DGKB: variants seen among roughly 807,000 people sequenced by gnomAD.
DGKB encodes diacylglycerol kinase beta, also known as 90 kDa diacylglycerol kinase.
A neutral mutation model predicts 114.3 loss-of-function variants in DGKB; 67 were observed. The ratio of observed to expected loss-of-function variants is 0.59; its 90% CI spans 0.48 to 0.72. DGKB has a LOEUF of 0.72. Ranked by LOEUF, DGKB falls within the 30% of genes least tolerant of loss-of-function variation. The pLI is 0.00. For missense variants in DGKB, 907 were observed against 975.2 expected, an observed-to-expected ratio of 0.93 and a Z score of 0.93; for synonymous variants, 398 against 323.1, an observed-to-expected ratio of 1.23 and a Z score of -2.49.
chr7:14,302,104 T>A (rs1803665774), intron 23 of DGKB, among the ~76,000 whole-genome samples: 1 of 152,100 alleles, frequency 6.6e-6, no homozygotes, highest in African/African-American at 2.4e-5. Flanking sequence ...TAGCATGGAA[T>A]AAATGTACCT....
chr7:14,315,482 C>T (rs1014898210), intron 23 of DGKB, among the ~76,000 whole-genome samples: 3 of 151,580 alleles, frequency 2.0e-5, no homozygotes, highest in Non-Finnish European at 4.4e-5. Flanking sequence ...GGGTTGCAAT[C>T]CTAGTCTCTG....
chr7:14,302,451 T>C (rs574194037), intron 23 of DGKB, among the ~76,000 whole-genome samples: 4 of 152,232 alleles, frequency 2.6e-5, no homozygotes, highest in Admixed American at 1.3e-4. Flanking sequence ...TTACTCTGTA[T>C]TGAAAATATT....
chr7:14,257,026 G>C (rs754682741), intron 23 of DGKB, among the ~76,000 whole-genome samples: 2 of 152,050 alleles, frequency 1.3e-5, no homozygotes, highest in Non-Finnish European at 2.9e-5. Context: ...CACCAGGAAT[G>C]GTGGCATACT....
intron 23 of DGKB, 42 bp from the exon 24 acceptor site, chr7:14,178,193 A>G (rs772056190): frequency 1.3e-6 from 2 of 1,597,626 alleles, no homozygotes; most frequent in African/African-American, 1.4e-5. Flanking sequence ...ATGTGTATAC[A>G]TATGTCCACA....
At position 14,673,000 on chromosome 7, in the gene DGKB, T is replaced by C; in HGVS notation, c.1063A>G (p.Lys355Glu). ...AAAGGTCCACAGTCACATTCAGGTT[T>C]TAGATGAGAAGCACATTTATTATGC... ...TLHNKCASHL[K>E]PECDCGPLKD... Residue 355 changes from lysine to glutamate, a missense_variant, in exon 13 of 26, where the codon AAA becomes GAA. Lys to Glu is a moderately conservative substitution (Grantham distance 56, BLOSUM62 1). Around this residue, in one of 3 missense-constraint regions of DGKB, gnomAD observed 814 missense variants for 856.6 expected, o/e 0.95. Coordinates refer to ENST00000402815, the MANE Select transcript of DGKB (RefSeq NM_001350709.2). 1 of 1,575,800 alleles carries C rather than the reference T, an allele frequency of 6.3e-7. No homozygotes were observed. Among genetic ancestry groups the C allele is most frequent in the East Asian group, 2.3e-5 (1 of 43,450 alleles).
chr7:14,551,021 G>A (rs7796936), intron 20 of DGKB, among the ~76,000 whole-genome samples: 19,575 of 151,986 alleles, frequency 0.13, 1,812 homozygotes, highest in East Asian at 0.33. Flanking sequence ...AAAGATATAG[G>A]AGAATGTGTT....
At chr7:14,602,480 G>T (rs1292050381) in intron 17 of DGKB, among the ~76,000 whole-genome samples, 2 of 152,112 alleles carry the variant, frequency 1.3e-5, no homozygotes, top group African/African-American at 4.8e-5. Context: ...TTGGGAGGTG[G>T]GGTACTGAGG....
At chr7:14,222,398 T>C (rs1010088194) in intron 23 of DGKB, among the ~76,000 whole-genome samples, 1 of 151,324 alleles carries the variant, frequency 6.6e-6, no homozygotes, top group Non-Finnish European at 1.5e-5. Context: ...CATTGATTCA[T>C]TGGTTATTTT....
At chr7:14,801,925 T>TACAC (rs142456381) in intron 2 of DGKB, among the ~76,000 whole-genome samples, 17,855 of 147,954 alleles carry the variant, frequency 0.12, 1,222 homozygotes, top group African/African-American at 0.19. Context: ...TATATACATA[T>TACAC]ACACACACAC....
intron 13 of DGKB, among the ~76,000 whole-genome samples, chr7:14,632,189 G>A (rs921203235): frequency 6.6e-6 from 1 of 151,854 alleles, no homozygotes; most frequent in African/African-American, 2.4e-5. Context: ...AGCAACAGAA[G>A]GCATTTTGGG....
intron 2 of DGKB, among the ~76,000 whole-genome samples, chr7:14,817,554 G>A (rs1562614872): frequency 6.6e-6 from 1 of 152,086 alleles, no homozygotes; most frequent in Non-Finnish European, 1.5e-5. Flanking sequence ...ATTGGGTTTT[G>A]ATTTGTAAGG....
intron 1 of DGKB, among the ~76,000 whole-genome samples, chr7:14,849,646 T>C (rs1052598029): frequency 2.0e-5 from 3 of 152,212 alleles, no homozygotes; most frequent in African/African-American, 7.2e-5. Flanking sequence ...TCATTTCCTT[T>C]GATAACAGGA....
rs1827058663 is a variant in DGKB, at chr7:14,709,945, A to G, written c.467-8215T>C. Among the ~76,000 whole-genome samples the G allele has an allele frequency of 7.3e-5, 11 of 151,056 alleles. 1 individual carries two copies. In the South Asian group the frequency reaches 2.3e-3, roughly 32 times the overall value. On this transcript the variant is annotated intron_variant, in intron 6 of 25. Transcript: ENST00000402815. Reference sequence around the variant, plus strand: ...ACTAACCTGCACAATGTGCACATGTACCCTAAAACTTAAAGTATAATTAAA... The same window carrying G: ...ACTAACCTGCACAATGTGCACATGTGCCCTAAAACTTAAAGTATAATTAAA...
Position 14,212,430 on chromosome 7 carries a change from A to T in DGKB, c.2123-34279T>A, listed in dbSNP as rs970569042. Among the ~76,000 whole-genome samples the T allele has an allele frequency of 1.5e-4, 9 of 61,350 alleles. 3 individuals are homozygous for T. Among genetic ancestry groups the T allele is most frequent in the South Asian group, 4.3e-4 (1 of 2,336 alleles). 40.2% of individuals were successfully genotyped at this position (61,350 alleles called of 152,430 possible). ...TGATTTTACTCTCGTGTTTTGTGATATTTACTCTCATGTTTTGTGTTCCTC... is the reference window on the plus strand; with the variant it reads ...TGATTTTACTCTCGTGTTTTGTGATTTTTACTCTCATGTTTTGTGTTCCTC... On this transcript the variant is annotated intron_variant, in intron 23 of 25. Transcript: ENST00000402815.
chr7:14,723,995 C>G (rs953774565), intron 5 of DGKB, among the ~76,000 whole-genome samples: 1 of 152,106 alleles, frequency 6.6e-6, no homozygotes, highest in Non-Finnish European at 1.5e-5. Context: ...ATTAGTGCCT[C>G]TGGTCCAGTT....
chr7:14,262,503 C>T (rs965325262), intron 23 of DGKB, among the ~76,000 whole-genome samples: 2 of 152,166 alleles, frequency 1.3e-5, no homozygotes, highest in East Asian at 3.9e-4. Flanking sequence ...GGGCCTTGTT[C>T]TCAGACTTTC....
chr7:14,514,814 G>A (rs960163187), intron 20 of DGKB, among the ~76,000 whole-genome samples: 12 of 152,120 alleles, frequency 7.9e-5, no homozygotes, highest in African/African-American at 2.4e-4. Flanking sequence ...AACACATTGG[G>A]AGGCTGAGAC....
chr7:14,487,215 T>G (rs568990962), intron 20 of DGKB, among the ~76,000 whole-genome samples: 1 of 152,218 alleles, frequency 6.6e-6, no homozygotes, highest in Admixed American at 6.5e-5. Context: ...CATTCTAATA[T>G]GTTAAATTCT....
chr7:14,880,193 A>C (rs572390924), intron 1 of DGKB, among the ~76,000 whole-genome samples: 1 of 151,570 alleles, frequency 6.6e-6, no homozygotes, highest in African/African-American at 2.4e-5. Flanking sequence ...TTCTTTCAAA[A>C]TAAAATAAAA....
Sources: gnomAD v4.1 joint callset for allele counts (sites outside exome capture counted in the v4.1 genomes callset) on GRCh38, gnomAD v4.1.1 for gene constraint, gnomAD v4.1.1 regional missense constraint, MANE v1.5 for transcripts, NCBI Gene and HGNC (gene_info 2026-07-23, HGNC 2026-07-21) for gene names.